TLE1: variants seen among roughly 807,000 people sequenced by gnomAD.
TLE1 encodes transducin-like enhancer protein 1.
A neutral mutation model predicts 89.8 loss-of-function variants in TLE1; 21 were observed. The observed-to-expected ratio is 0.23, with a 90% CI of 0.17 to 0.34. The LOEUF is 0.34. Among genes scored for constraint, TLE1 ranks in the 10% least tolerant of loss-of-function variants. The probability of loss-of-function intolerance (pLI) is 1.00; values close to 1 mark genes in which losing one functional copy is unlikely to be tolerated. For missense variants in TLE1, 795 were observed against 1,031.2 expected (o/e 0.77, Z 3.14); for synonymous variants, 447 against 407.6 (o/e 1.10, Z -1.16).
At chr9:81,661,560 T>C (rs1439923662) in intron 4 of TLE1, among the ~76,000 whole-genome samples, 4 of 152,166 alleles carry the variant, frequency 2.6e-5, no homozygotes, top group African/African-American at 9.7e-5. Flanking sequence ...TGCTGAGGGC[T>C]GGCAAACTGA....
At chr9:81,602,598 G>A (rs1831083497) in intron 14 of TLE1, among the ~76,000 whole-genome samples, 1 of 152,028 alleles carries the variant, frequency 6.6e-6, no homozygotes, top group Non-Finnish European at 1.5e-5. Flanking sequence ...GGCTCATGTC[G>A]GTACTCAAAA....
Position 81,652,079 on chromosome 9 carries a change from C to T in TLE1, c.372+135G>A, listed in dbSNP as rs1231806996. The T allele has an allele frequency of 1.1e-5, 9 of 840,028 alleles. No individual in the cohort carries two copies. The African/African-American group carries it at 1.5e-4, about 14-fold the overall frequency. The allele number at this position is 840,028 out of a possible 1,614,324, so 52.0% of individuals were successfully genotyped here. On this transcript the variant is annotated intron_variant, in intron 6 of 19. Transcript: ENST00000376499. ...CAAGTCTCTTCCTCTCCTCCTCCCA[C>T]CCTTATCAAATAGGTCAACGTTAAG...
intron 8 of TLE1, among the ~76,000 whole-genome samples, chr9:81,632,932 G>T (rs559938304): frequency 2.0e-5 from 3 of 152,272 alleles, no homozygotes; most frequent in Non-Finnish European, 4.4e-5. Flanking sequence ...TTCACAAAGG[G>T]ATTGTGATCT....
intron 4 of TLE1, among the ~76,000 whole-genome samples, chr9:81,675,698 G>GTGTTTTTTTTTTTTTTTTTTTTT: frequency 7.7e-6 from 1 of 129,674 alleles, no homozygotes; most frequent in South Asian, 2.4e-4. Context: ...ACTCACACTA[G>GTGTTTTTTTTTTTTTTTTTTTTT]TTTTTTTTTG....
At chr9:81,675,942 G>A (rs1048564570) in intron 4 of TLE1, among the ~76,000 whole-genome samples, 17 of 151,728 alleles carry the variant, frequency 1.1e-4, no homozygotes, top group East Asian at 1.9e-4. Flanking sequence ...CTCGTGATCC[G>A]CCCGCCTCAG....
intron 6 of TLE1, among the ~76,000 whole-genome samples, chr9:81,647,951 CTCTTT>C (rs1438864963): frequency 6.6e-6 from 1 of 152,126 alleles, no homozygotes; most frequent in Non-Finnish European, 1.5e-5. Context: ...TTAGCTGATT[CTCTTT>C]TAACTTTTCA....
intron 17 of TLE1, 81 bp from the exon 18 acceptor site, chr9:81,585,736 A>G (rs1485844424): frequency 6.6e-7 from 1 of 1,525,856 alleles, no homozygotes; most frequent in African/African-American, 1.4e-5. Context: ...AAGTGGGGAA[A>G]TAGCAAGAAT....
At chr9:81,685,545 G>T in intron 4 of TLE1, 131 bp downstream of exon 4, 2 of 813,756 alleles carry the variant, frequency 2.5e-6, no homozygotes, top group Non-Finnish European at 3.9e-6. Flanking sequence ...CAATCCACAG[G>T]ACAGGAAACC....
intron 6 of TLE1, among the ~76,000 whole-genome samples, chr9:81,645,000 C>CA (rs150421441): frequency 0.032 from 2,083 of 64,332 alleles, 55 homozygotes; most frequent in Middle Eastern, 0.048. Flanking sequence ...GACACTGTCT[C>CA]AAAAAAAAAA....
At chr9:81,658,451 G>A (rs962348831) in intron 4 of TLE1, among the ~76,000 whole-genome samples, 11 of 152,034 alleles carry the variant, frequency 7.2e-5, no homozygotes, top group Non-Finnish European at 1.5e-4. Flanking sequence ...AAGCAAATAG[G>A]AGCAATAGAG....
intron 6 of TLE1, among the ~76,000 whole-genome samples, chr9:81,635,509 A>G (rs1827253289): frequency 6.6e-6 from 1 of 152,198 alleles, no homozygotes; most frequent in Admixed American, 6.5e-5. Flanking sequence ...TGGCCCCTGT[A>G]CCATGAATCT....
chr9:81,686,059 A>G (rs1834232898), intron 2 of TLE1, among the ~76,000 whole-genome samples, 163 bp from the exon 3 acceptor site: 1 of 152,230 alleles, frequency 6.6e-6, no homozygotes, highest in Non-Finnish European at 1.5e-5. Flanking sequence ...AATAGGGAAA[A>G]GGAATAATGT....
rs143717216 is a variant in TLE1, at chr9:81,611,826, G to A, written c.1197C>T (p.Pro399=). The A allele has an allele frequency of 1.9e-5, 30 of 1,560,568 alleles. No homozygotes were observed. In the African/African-American group the frequency reaches 4.0e-4, roughly 21 times the overall value. Residue 399 remains proline, a synonymous_variant, in exon 13 of 20, where the codon CCC becomes CCT. Coordinates refer to ENST00000376499, the MANE Select transcript of TLE1 (RefSeq NM_005077.5). ...AAYASLHNMS[P]QMSAAAAAAA... ...CCGCGGCGGCTGCGGCGCTCATCTG[G>A]GGCGACATGTTGTGTAAACTGGCGT...
chr9:81,666,641 G>A (rs933424215), intron 4 of TLE1, among the ~76,000 whole-genome samples: 3 of 151,980 alleles, frequency 2.0e-5, no homozygotes, highest in African/African-American at 7.3e-5. Context: ...CAGGCGTGGT[G>A]GTGCACGCCT....
chr9:81,668,352 T>C (rs1300136506), intron 4 of TLE1, among the ~76,000 whole-genome samples: 1 of 152,168 alleles, frequency 6.6e-6, no homozygotes, highest in Admixed American at 6.5e-5. Flanking sequence ...AGCTAAATTT[T>C]TCAAAGCATA....
intron 9 of TLE1, among the ~76,000 whole-genome samples, 171 bp from the exon 10 acceptor site, chr9:81,616,870 C>A (rs969514256): frequency 2.0e-5 from 3 of 152,164 alleles, no homozygotes; most frequent in African/African-American, 7.2e-5. Flanking sequence ...TCATCTTCCC[C>A]CTCTTCTCAT....
Position 81,604,721 on chromosome 9 carries a change from C to T in TLE1, c.1331+5499G>A, listed in dbSNP as rs117872386. Among the ~76,000 whole-genome samples, 581 of 152,212 alleles carry T rather than the reference C, an allele frequency of 3.8e-3. 2 individuals carry two copies. The highest frequency in any genetic ancestry group is 0.024 in the Middle Eastern group (7 of 294). ...TAAAGGGACATTAAGGTCCCTCCTG[C>T]CCCAACTGAACTCTTCTGGCTGTAA... On this transcript the variant is annotated intron_variant, in intron 14 of 19. Coordinates refer to ENST00000376499, the MANE Select transcript of TLE1 (RefSeq NM_005077.5).
At position 81,629,700 on chromosome 9, in the gene TLE1, G is replaced by T. The variant is rs1258903600; in HGVS notation, c.594+3648C>A. Among the ~76,000 whole-genome samples, 3 of 152,272 alleles carry T rather than the reference G, an allele frequency of 2.0e-5. No individual in the cohort carries two copies. In the East Asian group the frequency reaches 5.8e-4, roughly 29 times the overall value. The stretch of plus-strand genomic sequence containing the variant: ...CTACACACCTAGGCTACTGCTCCTA[G>T]GCTACAAACCTGTACATGTTACTGT... On this transcript the variant is annotated intron_variant, in intron 8 of 19. Coordinates refer to ENST00000376499, the MANE Select transcript of TLE1 (RefSeq NM_005077.5).
Position 81,585,555 on chromosome 9 carries a change from T to C in TLE1, c.2078A>G (p.Gln693Arg), listed in dbSNP as rs764541554. The change falls in exon 18 of 20, where the codon CAG becomes CGG. Residue 693 changes from glutamine to arginine, a missense_variant. Transcript: ENST00000376499. ...CACGCAGCTCTCATGCAGGTGCAGC[T>C]GGTACTTGTCAGGCTTGTTCACGTG... ...VLHVNKPDKY[Q>R]LHLHESCVLS... is the part of the protein sequence containing the mutation. 5.0e-6 allele frequency: 8 copies of C among 1,614,178 alleles called. No homozygotes were observed. The East Asian group carries it at 1.8e-4, about 36-fold the overall frequency.
Sources: allele counts gnomAD v4.1 joint callset (sites outside exome capture counted in the v4.1 genomes callset), GRCh38; gene constraint gnomAD v4.1.1; transcripts MANE v1.5; gene names NCBI Gene and HGNC (gene_info 2026-07-23, HGNC 2026-07-21).